The following RGS22 variants were observed in gnomAD, a reference collection of about 807,000 sequenced individuals.
The protein encoded by RGS22 is regulator of G protein signaling 22, also known as regulator of G-protein signaling 22.
In RGS22, 148 loss-of-function variants were observed where a neutral mutation model predicts 172.9. The observed-to-expected ratio is 0.86, with a 90% confidence interval of 0.75 to 0.98. The LOEUF is 0.98. Among genes scored for constraint, RGS22 ranks in the 50% least tolerant of loss-of-function variants. The pLI, the probability that RGS22 is intolerant of heterozygous loss-of-function variation, is 0.00. For missense variants in RGS22, 1,347 were observed against 1,440.8 expected (o/e 0.93, Z 1.05); for synonymous variants, 458 against 480.2 (o/e 0.95, Z 0.60).
Position 100,105,878 on chromosome 8 carries a change from C to T in RGS22, c.25+19G>A. On this transcript the variant is annotated intron_variant, in intron 1 of 27. Coordinates refer to ENST00000360863, the MANE Select transcript of RGS22 (RefSeq NM_015668.5). Reference sequence around the variant, plus strand: ...GACGCCGCGGGCTGATCCTCTGTCCCTGTGGGGCCGCCACCTACCCGCGGT... The same window carrying T: ...GACGCCGCGGGCTGATCCTCTGTCCTTGTGGGGCCGCCACCTACCCGCGGT... 6.6e-7 allele frequency: 1 copy of T among 1,505,144 alleles called. No individual in the cohort carries two copies. Among genetic ancestry groups the T allele is most frequent in the Non-Finnish European group, 8.9e-7 (1 of 1,128,066 alleles). 93.2% of individuals were successfully genotyped at this position (1,505,144 alleles called of 1,614,324 possible). A position where few individuals can be genotyped will look rare whatever the true frequency, so the allele number is the denominator to read the frequency against.
At chr8:100,027,335 A>AG (rs1818291502) in intron 14 of RGS22, among the ~76,000 whole-genome samples, 1 of 152,238 alleles carries the variant, frequency 6.6e-6, no homozygotes, top group African/African-American at 2.4e-5. Flanking sequence ...TTCTAAGTCA[A>AG]GAACTTTGTC....
At chr8:100,034,019 G>A (rs2131557384) in intron 14 of RGS22, among the ~76,000 whole-genome samples, 1 of 152,210 alleles carries the variant, frequency 6.6e-6, no homozygotes, top group African/African-American at 2.4e-5. Flanking sequence ...TACTGTATGG[G>A]CAAAAACTGG....
chr8:100,060,760 T>A (rs1810069055), intron 9 of RGS22, among the ~76,000 whole-genome samples: 1 of 152,160 alleles, frequency 6.6e-6, no homozygotes, highest in South Asian at 2.1e-4. Flanking sequence ...AATTTATAGA[T>A]TCAATGCTAT....
chr8:100,048,668 G>A (rs1471611583), intron 10 of RGS22, among the ~76,000 whole-genome samples: 1 of 151,548 alleles, frequency 6.6e-6, no homozygotes, highest in East Asian at 1.9e-4. Flanking sequence ...CATATATAAG[G>A]GCTTACATCT....
At chr8:99,984,823 A>T (rs1023927936) in intron 21 of RGS22, among the ~76,000 whole-genome samples, 14 of 151,258 alleles carry the variant, frequency 9.3e-5, no homozygotes, top group African/African-American at 3.4e-4. Context: ...ACACACACAC[A>T]CTTTAGATTA....
chr8:99,999,194 G>T, intron 19 of RGS22, 68 bp downstream of exon 19: 1 of 1,376,080 alleles, frequency 7.3e-7, no homozygotes, highest in Non-Finnish European at 9.9e-7. Flanking sequence ...TGGGTCACCA[G>T]GTATGTACAT....
intron 23 of RGS22, among the ~76,000 whole-genome samples, chr8:99,976,094 G>T (rs1019066812): frequency 2.0e-5 from 3 of 152,004 alleles, no homozygotes; most frequent in Admixed American, 6.6e-5. Context: ...GGAGGCTGAG[G>T]CACAAGAATC....
At chr8:100,055,406 T>C (rs1472091108) in intron 9 of RGS22, among the ~76,000 whole-genome samples, 7 of 152,176 alleles carry the variant, frequency 4.6e-5, no homozygotes, top group South Asian at 4.1e-4. Flanking sequence ...CTCTATGAGT[T>C]TGCAAGAACA....
intron 22 of RGS22, among the ~76,000 whole-genome samples, chr8:99,978,657 C>A (rs1476253741): frequency 6.6e-6 from 1 of 152,184 alleles, no homozygotes; most frequent in East Asian, 1.9e-4. Flanking sequence ...GTATCCTGGA[C>A]AAATGCTTTC....
In RGS22 at chr8:100,071,403, A is replaced by G; in HGVS notation, c.560T>C (p.Val187Ala). ...PPPATEEDNL[V>A]IMKKFYVSLG... ...TGATACATAGAACTTTTTCATAATT[A>G]CAAGATTATCTTCTTCAGTGGCAGG... The change falls in exon 6 of 28, where the codon GTA becomes GCA. Residue 187 changes from valine (V) to alanine (A), a missense_variant. Coordinates refer to ENST00000360863, the MANE Select transcript of RGS22 (RefSeq NM_015668.5). 6.2e-7 allele frequency: 1 copy of G among 1,611,606 alleles called. No individual in the cohort carries two copies. The highest frequency in any genetic ancestry group is 8.5e-7 in the Non-Finnish European group (1 of 1,178,888).
intron 9 of RGS22, among the ~76,000 whole-genome samples, chr8:100,058,755 T>C (rs1177671138): frequency 6.6e-6 from 1 of 152,138 alleles, no homozygotes; most frequent in African/African-American, 2.4e-5. Context: ...AAAGGGAGTA[T>C]TTCAATCAGA....
At chr8:100,072,047 G>A in intron 5 of RGS22, 98 bp downstream of exon 5, 1 of 702,760 alleles carries the variant, frequency 1.4e-6, no homozygotes, top group Non-Finnish European at 2.3e-6. Flanking sequence ...GAATTTAAAA[G>A]ATTTGCCACA....
chr8:100,016,320 G>T (rs1454205257), intron 14 of RGS22, among the ~76,000 whole-genome samples: 1 of 152,088 alleles, frequency 6.6e-6, no homozygotes, highest in African/African-American at 2.4e-5. Context: ...GAGGAAAAAA[G>T]AAATGAACTA....
chr8:100,095,832 T>G (rs550339337), intron 2 of RGS22, among the ~76,000 whole-genome samples: 25 of 152,276 alleles, frequency 1.6e-4, no homozygotes, highest in Non-Finnish European at 3.2e-4. Context: ...CAAAATCAAT[T>G]ATATCTTTTA....
At chr8:100,043,283 C>T (rs989738438) in intron 11 of RGS22, among the ~76,000 whole-genome samples, 1 of 152,000 alleles carries the variant, frequency 6.6e-6, no homozygotes, top group Admixed American at 6.6e-5. Context: ...ACCTCCTGCC[C>T]GTGGTTAATC....
chr8:100,075,887 G>A (rs1811312104), intron 4 of RGS22, among the ~76,000 whole-genome samples: 1 of 151,712 alleles, frequency 6.6e-6, no homozygotes, highest in African/African-American at 2.4e-5. Flanking sequence ...ACAAACGTTT[G>A]TTATTATTTG....
rs1165978170 is a variant in RGS22 at position 99,991,419 on chromosome 8, T to C, written c.3019-3800A>G. On this transcript the variant is annotated intron_variant, in intron 20 of 27. Coordinates refer to ENST00000360863, the MANE Select transcript of RGS22 (RefSeq NM_015668.5). ...AGAATAAACAGTGTAGAGAAGATCT[T>C]AAATGACCTGATGGAGCTGAAAACC... Among the ~76,000 whole-genome samples the C allele has an allele frequency of 2.6e-5, 4 of 152,332 alleles. No individual in the cohort carries two copies. The East Asian group carries it at 5.8e-4, about 22-fold the overall frequency.
At chr8:100,046,073 G>GA (rs1820685414) in intron 11 of RGS22, among the ~76,000 whole-genome samples, 1 of 151,854 alleles carries the variant, frequency 6.6e-6, no homozygotes, top group African/African-American at 2.4e-5. Context: ...CACTGCTATG[G>GA]AAAAAATCTA....
intron 9 of RGS22, among the ~76,000 whole-genome samples, chr8:100,059,936 G>T (rs1809973144): frequency 6.6e-6 from 1 of 152,104 alleles, no homozygotes; most frequent in African/African-American, 2.4e-5. Flanking sequence ...GTGTTGCCCA[G>T]GCTGGTCTCA....
Sources: allele counts gnomAD v4.1 joint callset (sites outside exome capture counted in the v4.1 genomes callset), GRCh38; gene constraint gnomAD v4.1.1; transcripts MANE v1.5; gene names NCBI Gene and HGNC (gene_info 2026-07-23, HGNC 2026-07-21).